The following CTNNA3 variants were observed in gnomAD, a reference collection of about 807,000 sequenced individuals.
The protein encoded by CTNNA3 is catenin alpha 3, also known as catenin alpha-3.
CTNNA3 carries 76 observed loss-of-function variants against 95.7 expected under a neutral mutation model. The observed-to-expected ratio is 0.79, with a 90% CI of 0.66 to 0.96. The LOEUF is 0.96. Among genes scored for constraint, CTNNA3 ranks in the 40% least tolerant of loss-of-function variants. The pLI, the probability that CTNNA3 is intolerant of heterozygous loss-of-function variation, is 0.00. For synonymous variants in CTNNA3, 431 were observed against 374.4 expected, an observed-to-expected ratio of 1.15 and a Z score of -1.74; for missense variants, 1,191 against 1,089.8, an observed-to-expected ratio of 1.09 and a Z score of -1.31.
intron 1 of CTNNA3, among the ~76,000 whole-genome samples, chr10:67,726,650 TA>T (rs1385589061): frequency 2.1e-4 from 15 of 71,842 alleles, no homozygotes; most frequent in African/African-American, 8.1e-4. Flanking sequence ...ATATATACTA[TA>T]ATATATTATA....
At chr10:66,597,515 T>TAC (rs1358178874) in intron 10 of CTNNA3, among the ~76,000 whole-genome samples, 4 of 65,580 alleles carry the variant, frequency 6.1e-5, no homozygotes, top group Non-Finnish European at 1.1e-4. Flanking sequence ...TTCATACATA[T>TAC]ATATATATAT....
intron 14 of CTNNA3, among the ~76,000 whole-genome samples, chr10:66,084,584 G>GA (rs567810412): frequency 7.0e-4 from 107 of 151,892 alleles, no homozygotes; most frequent in Admixed American, 1.3e-3. Flanking sequence ...TTTGGAATTA[G>GA]AAAAAAAATT....
chr10:66,419,019 T>C lies in CTNNA3; in HGVS notation c.1532-39667A>G, dbSNP rs76755535. On this transcript the variant is annotated intron_variant, in intron 11 of 17. Transcript: ENST00000433211. ...CTAATCAACAAAGCACTGAAAGTCC[T>C]AGCCAGAGTAATCAGGCAAGAGAAA... Among the ~76,000 whole-genome samples the C allele has an allele frequency of 0.018, 2,753 of 152,140 alleles. 197 individuals carry two copies. In the East Asian group the frequency reaches 0.24, roughly 13 times the overall value.
At chr10:67,386,931 A>G (rs1844192130) in intron 5 of CTNNA3, among the ~76,000 whole-genome samples, 1 of 152,202 alleles carries the variant, frequency 6.6e-6, no homozygotes, top group Non-Finnish European at 1.5e-5. Context: ...AGCACATACA[A>G]TTCTCACAAA....
intron 13 of CTNNA3, among the ~76,000 whole-genome samples, chr10:66,192,333 G>T (rs2131888170): frequency 6.6e-6 from 1 of 152,234 alleles, no homozygotes; most frequent in African/African-American, 2.4e-5. Context: ...TTACAACAAA[G>T]AAATGTGTTT....
At chr10:67,415,796 G>A (rs1426556513) in intron 5 of CTNNA3, among the ~76,000 whole-genome samples, 3 of 152,124 alleles carry the variant, frequency 2.0e-5, no homozygotes, top group Admixed American at 6.6e-5. Flanking sequence ...TACAAAAATA[G>A]AAACATAGAC....
chr10:67,407,551 G>A (rs1317930529), intron 5 of CTNNA3, among the ~76,000 whole-genome samples: 1 of 152,144 alleles, frequency 6.6e-6, no homozygotes, highest in Non-Finnish European at 1.5e-5. Context: ...ACATAGTATT[G>A]GAAGTTCTGA....
At chr10:67,713,561 A>G (rs1841125021) in intron 1 of CTNNA3, among the ~76,000 whole-genome samples, 1 of 152,222 alleles carries the variant, frequency 6.6e-6, no homozygotes, top group African/African-American at 2.4e-5. Context: ...TAGACTGGAT[A>G]AAGAAAATGT....
intron 7 of CTNNA3, among the ~76,000 whole-genome samples, chr10:66,830,329 A>C (rs1454769044): frequency 6.6e-6 from 1 of 152,190 alleles, no homozygotes; most frequent in African/African-American, 2.4e-5. Flanking sequence ...AACAGTATTA[A>C]GATATTTAAA....
chr10:66,091,642 A>G (rs1222913671), intron 14 of CTNNA3, among the ~76,000 whole-genome samples: 1 of 151,976 alleles, frequency 6.6e-6, no homozygotes, highest in African/African-American at 2.4e-5. Context: ...AATGTTATGG[A>G]AAAAAGTAAA....
intron 10 of CTNNA3, among the ~76,000 whole-genome samples, chr10:66,551,281 T>C (rs1842207724): frequency 1.3e-5 from 2 of 152,176 alleles, no homozygotes; most frequent in African/African-American, 4.8e-5. Flanking sequence ...GTTGTTTCCC[T>C]GTCTTCTGAC....
rs566096059 is a variant in CTNNA3, at chr10:66,495,608, G to A, written c.1531+25009C>T. 6.6e-5 allele frequency among the ~76,000 whole-genome samples: 10 copies of A among 152,232 alleles called. No individual in the cohort carries two copies. In the South Asian group the frequency reaches 1.7e-3, roughly 25 times the overall value. On this transcript the variant is annotated intron_variant, in intron 11 of 17. Coordinates refer to ENST00000433211, the MANE Select transcript of CTNNA3 (RefSeq NM_013266.4). ...GGAAGTTTAGCTAAGCTTTATTGTAGAAAAAGGAAATACATACTGGAAGTC... is the reference window on the plus strand; with the variant it reads ...GGAAGTTTAGCTAAGCTTTATTGTAAAAAAAGGAAATACATACTGGAAGTC...
intron 9 of CTNNA3, among the ~76,000 whole-genome samples, chr10:66,736,374 G>A (rs957851454): frequency 6.6e-6 from 1 of 150,658 alleles, no homozygotes; most frequent in Non-Finnish European, 1.5e-5. Flanking sequence ...TTTAATTTTA[G>A]TGGAGACTGG....
intron 5 of CTNNA3, among the ~76,000 whole-genome samples, chr10:67,232,017 G>C (rs944619127): frequency 2.6e-5 from 4 of 152,132 alleles, no homozygotes; most frequent in African/African-American, 9.7e-5. Context: ...TATGTGAAAA[G>C]ACCAAATCTA....
intron 3 of CTNNA3, among the ~76,000 whole-genome samples, chr10:67,590,771 T>C (rs1384129061): frequency 6.6e-6 from 1 of 152,142 alleles, no homozygotes; most frequent in Non-Finnish European, 1.5e-5. Flanking sequence ...ATGTTCTTGT[T>C]ACAAATCCCT....
intron 14 of CTNNA3, among the ~76,000 whole-genome samples, chr10:66,077,772 C>A (rs2080600134): frequency 6.6e-6 from 1 of 151,734 alleles, no homozygotes; most frequent in Admixed American, 6.6e-5. Context: ...ATCCTTTTGA[C>A]AGATGTGATC....
intron 16 of CTNNA3, among the ~76,000 whole-genome samples, chr10:65,976,901 T>A (rs1283103595): frequency 1.3e-5 from 2 of 152,160 alleles, no homozygotes; most frequent in African/African-American, 4.8e-5. Context: ...TTTGCAAATA[T>A]TTTCTTTCAA....
chr10:67,251,943 C>T (rs2132360426), intron 5 of CTNNA3, among the ~76,000 whole-genome samples: 1 of 152,242 alleles, frequency 6.6e-6, no homozygotes, highest in Middle Eastern at 3.4e-3. Flanking sequence ...GAGGTGGTGG[C>T]TCACACCTGT....
intron 10 of CTNNA3, among the ~76,000 whole-genome samples, chr10:66,594,694 T>C (rs1402594461): frequency 6.6e-6 from 1 of 152,160 alleles, no homozygotes; most frequent in Non-Finnish European, 1.5e-5. Context: ...CACACAGTCC[T>C]TTTCTATTTC....
Sources: gnomAD v4.1 joint callset for allele counts (sites outside exome capture counted in the v4.1 genomes callset) on GRCh38, gnomAD v4.1.1 for gene constraint, MANE v1.5 for transcripts, NCBI Gene and HGNC (gene_info 2026-07-23, HGNC 2026-07-21) for gene names.